DGKB: variants seen among roughly 807,000 people sequenced by gnomAD.
DGKB encodes 90 kDa diacylglycerol kinase.
DGKB carries 67 observed loss-of-function variants against 114.3 expected under a neutral mutation model. The ratio of observed to expected loss-of-function variants is 0.59; its 90% CI spans 0.48 to 0.72. The LOEUF is 0.72. Among genes scored for constraint, DGKB ranks in the 30% least tolerant of loss-of-function variants. DGKB has a pLI of 0.00. For missense variants in DGKB, 907 were observed against 975.2 expected, an observed-to-expected ratio of 0.93 and a Z score of 0.93; for synonymous variants, 398 against 323.1, an observed-to-expected ratio of 1.23 and a Z score of -2.49.
intron 23 of DGKB, among the ~76,000 whole-genome samples, chr7:14,298,364 A>G (rs997207224): frequency 1.2e-4 from 18 of 152,166 alleles, no homozygotes; most frequent in African/African-American, 4.3e-4. Context: ...AGATATATAG[A>G]CCAATGGAAC....
intron 21 of DGKB, among the ~76,000 whole-genome samples, chr7:14,391,179 G>C (rs2128707133): frequency 6.6e-6 from 1 of 152,240 alleles, no homozygotes; most frequent in South Asian, 2.1e-4. Flanking sequence ...TCACTTTTAA[G>C]AATTCAGTTA....
chr7:14,338,739 C>A (rs780002666), intron 22 of DGKB, 29 bp from the exon 23 acceptor site: 4 of 1,314,050 alleles, frequency 3.0e-6, no homozygotes, highest in African/African-American at 1.5e-5. Context: ...GAAACAGAAA[C>A]GGAATATTTT....
intron 21 of DGKB, among the ~76,000 whole-genome samples, chr7:14,356,809 C>T (rs1323249203): frequency 6.6e-6 from 1 of 152,150 alleles, no homozygotes; most frequent in Non-Finnish European, 1.5e-5. Context: ...TCTTTGTTCT[C>T]ATTGGTTTCA....
intron 23 of DGKB, among the ~76,000 whole-genome samples, chr7:14,316,311 C>CA (rs1425172027): frequency 1.4e-5 from 2 of 138,224 alleles, no homozygotes; most frequent in East Asian, 4.3e-4. Context: ...AATAGAGACA[C>CA]AAAAAACCCT....
intron 23 of DGKB, among the ~76,000 whole-genome samples, chr7:14,286,908 C>T (rs1800956560): frequency 6.6e-6 from 1 of 152,060 alleles, no homozygotes; most frequent in Admixed American, 6.6e-5. Context: ...TTTTCACCTG[C>T]AACCAACACA....
chr7:14,474,550 A>G (rs1169279614), intron 21 of DGKB, among the ~76,000 whole-genome samples: 1 of 152,180 alleles, frequency 6.6e-6, no homozygotes, highest in Non-Finnish European at 1.5e-5. Context: ...GGAATTCCAC[A>G]CTGCTTTGCA....
intron 23 of DGKB, among the ~76,000 whole-genome samples, chr7:14,308,649 A>G (rs1374569263): frequency 4.6e-5 from 7 of 152,212 alleles, no homozygotes; most frequent in Non-Finnish European, 1.0e-4. Flanking sequence ...CCTAAAAACA[A>G]GTGTGAATTT....
intron 2 of DGKB, among the ~76,000 whole-genome samples, chr7:14,804,517 G>T (rs928994755): frequency 5.9e-5 from 9 of 151,906 alleles, no homozygotes; most frequent in African/African-American, 2.2e-4. Flanking sequence ...TGTCTTTCCA[G>T]GTCAGCACTA....
At chr7:14,938,137 T>G (rs1396690806) in intron 1 of DGKB, among the ~76,000 whole-genome samples, 1 of 152,210 alleles carries the variant, frequency 6.6e-6, no homozygotes. Flanking sequence ...GGTACACATC[T>G]CTGTGTGTGC....
At chr7:14,224,561 G>A (rs1446581384) in intron 23 of DGKB, among the ~76,000 whole-genome samples, 1 of 151,508 alleles carries the variant, frequency 6.6e-6, no homozygotes, top group East Asian at 2.0e-4. Context: ...TTCTCTTCAG[G>A]TACCATACTT....
chr7:14,798,058 G>A (rs1841650191), intron 2 of DGKB, among the ~76,000 whole-genome samples: 1 of 152,144 alleles, frequency 6.6e-6, no homozygotes, highest in Admixed American at 6.5e-5. Context: ...CTTAGAATGG[G>A]GGAATGTGTG....
rs560051407 is a variant in DGKB, at chr7:14,536,908, A to G, written c.1770+37304T>C. On this transcript the variant is annotated intron_variant, in intron 20 of 25. Coordinates refer to ENST00000402815, the MANE Select transcript of DGKB (RefSeq NM_001350709.2). ...AAAATAATATCTGTTTGCTGGTGGC[A>G]TTATATAAGAAAACTGTAAAAACCT... 5.9e-5 allele frequency among the ~76,000 whole-genome samples: 9 copies of G among 152,268 alleles called. No individual in the cohort carries two copies. In the South Asian group the frequency reaches 1.9e-3, roughly 31 times the overall value.
intron 1 of DGKB, among the ~76,000 whole-genome samples, chr7:14,869,171 T>C (rs1481557771): frequency 2.0e-5 from 3 of 152,208 alleles, no homozygotes; most frequent in African/African-American, 7.2e-5. Context: ...AAGGGAATAT[T>C]ACATTAAAAA....
chr7:14,210,787 G>T (rs74949554), intron 23 of DGKB, among the ~76,000 whole-genome samples: 7,858 of 152,116 alleles, frequency 0.052, 327 homozygotes, highest in East Asian at 0.25. Flanking sequence ...TGCCATCTAA[G>T]AATCTACATA....
chr7:14,580,911 C>A lies in DGKB; in HGVS notation c.1560G>T (p.Leu520=), dbSNP rs61753128. 1,805 of 1,604,224 alleles carry A rather than the reference C, an allele frequency of 1.1e-3. 2 individuals are homozygous for A. Among genetic ancestry groups the A allele is most frequent in the Non-Finnish European group, 1.4e-3 (1,689 of 1,173,364 alleles). ...CTAGATCATTGCCAGTCCCAAGAGG[C>A]AGAATCGCAACTGGAGGATGCTTGC... ...NVGKHPPVAI[L]PLGTGNDLAR... is the part of the protein sequence containing the mutation. The change falls in exon 19 of 26, where the codon CTG becomes CTT. Residue 520 remains leucine (L), a synonymous_variant. Transcript: ENST00000402815.
At chr7:14,937,348 A>G (rs1256173736) in intron 1 of DGKB, among the ~76,000 whole-genome samples, 3 of 152,094 alleles carry the variant, frequency 2.0e-5, no homozygotes, top group Non-Finnish European at 4.4e-5. Context: ...ATGTATATCT[A>G]TATTTACAAG....
At chr7:14,455,038 T>G (rs888812894) in intron 21 of DGKB, among the ~76,000 whole-genome samples, 1 of 152,030 alleles carries the variant, frequency 6.6e-6, no homozygotes, top group Non-Finnish European at 1.5e-5. Context: ...ACATCAGAAG[T>G]GTCTCCTGGT....
At position 14,616,610 on chromosome 7, in the gene DGKB, G is replaced by A. The variant is rs563951970; in HGVS notation, c.1285-3197C>T. Among the ~76,000 whole-genome samples the A allele has an allele frequency of 4.9e-4, 75 of 151,768 alleles. 2 individuals are homozygous for A. The South Asian group carries it at 0.015, about 30-fold the overall frequency. Reference sequence around the variant, plus strand: ...GTCAGCTGAAAACTATTCATTCTTTGAAGTACATATATTTATACAGCATTT... The same window carrying A: ...GTCAGCTGAAAACTATTCATTCTTTAAAGTACATATATTTATACAGCATTT... On this transcript the variant is annotated intron_variant, in intron 15 of 25. Transcript: ENST00000402815.
intron 20 of DGKB, among the ~76,000 whole-genome samples, chr7:14,508,490 T>G (rs929528369): frequency 6.6e-6 from 1 of 152,194 alleles, no homozygotes; most frequent in Non-Finnish European, 1.5e-5. Flanking sequence ...CTGAAGGTGT[T>G]GATTTTAGAA....
Sources: gnomAD v4.1 joint callset for allele counts (sites outside exome capture counted in the v4.1 genomes callset) on GRCh38, gnomAD v4.1.1 for gene constraint, MANE v1.5 for transcripts, NCBI Gene and HGNC (gene_info 2026-07-23, HGNC 2026-07-21) for gene names.